Variants in PEX5L observed in about 807,000 individuals in gnomAD.
The protein encoded by PEX5L is PEX5-related protein.
PEX5L carries 30 observed loss-of-function variants against 84.0 expected under a neutral mutation model. That is an observed-to-expected ratio of 0.36 (90% CI 0.27 to 0.48). The LOEUF (loss-of-function observed/expected upper bound fraction) is 0.48, where lower values mean the gene tolerates loss of function less well. PEX5L is among the 20% of genes least tolerant of loss of function. The pLI, the probability that PEX5L is intolerant of heterozygous loss-of-function variation, is 0.99. For synonymous variants in PEX5L, 270 were observed against 283.1 expected (o/e 0.95, Z 0.46); for missense variants, 533 against 754.6 (o/e 0.71, Z 3.44).
At chr3:179,844,373 A>G (rs192045271) in intron 8 of PEX5L, among the ~76,000 whole-genome samples, 132 of 152,340 alleles carry the variant, frequency 8.7e-4, no homozygotes, top group Middle Eastern at 3.4e-3. Context: ...TAAAACTTCA[A>G]TCTAATTTAT....
chr3:179,934,235 A>G (rs1208827898), intron 2 of PEX5L, among the ~76,000 whole-genome samples: 1 of 152,258 alleles, frequency 6.6e-6, no homozygotes, highest in African/African-American at 2.4e-5. Context: ...ATTTACATAT[A>G]GCACATTTCT....
chr3:179,935,509 C>T (rs533410116), intron 2 of PEX5L, among the ~76,000 whole-genome samples: 132 of 152,036 alleles, frequency 8.7e-4, no homozygotes, highest in African/African-American at 2.9e-3. Context: ...GGGTTATTTT[C>T]GCTTTCTTTT....
intron 1 of PEX5L, among the ~76,000 whole-genome samples, chr3:179,986,168 A>ATG (rs912343230): frequency 8.2e-4 from 102 of 124,692 alleles, no homozygotes; most frequent in African/African-American, 3.3e-3. Context: ...AATTTAAAAT[A>ATG]TATATATATA....
chr3:179,999,890 A>G (rs1448860829), intron 1 of PEX5L, among the ~76,000 whole-genome samples: 1 of 152,148 alleles, frequency 6.6e-6, no homozygotes, highest in Non-Finnish European at 1.5e-5. Context: ...AGGCATAATT[A>G]TGAAGGCACA....
intron 8 of PEX5L, among the ~76,000 whole-genome samples, chr3:179,837,784 G>A (rs904708304): frequency 3.9e-5 from 6 of 152,202 alleles, no homozygotes; most frequent in Admixed American, 6.5e-5. Context: ...GGATAAATAC[G>A]TTGGGTATTG....
chr3:179,890,147 A>C (rs957411323), intron 3 of PEX5L, among the ~76,000 whole-genome samples: 1 of 152,188 alleles, frequency 6.6e-6, no homozygotes, highest in Non-Finnish European at 1.5e-5. Flanking sequence ...TAATGTAATG[A>C]ACTCATCTAG....
chr3:179,913,953 T>C (rs1766086761), intron 2 of PEX5L, among the ~76,000 whole-genome samples: 1 of 152,208 alleles, frequency 6.6e-6, no homozygotes, highest in Non-Finnish European at 1.5e-5. Context: ...AAATGAGCCA[T>C]GAAATTATAT....
chr3:179,816,545 C>T (rs895257038), intron 9 of PEX5L, among the ~76,000 whole-genome samples: 1 of 151,788 alleles, frequency 6.6e-6, no homozygotes, highest in Non-Finnish European at 1.5e-5. Context: ...AATGAGAACA[C>T]GTGGACACAG....
intron 7 of PEX5L, among the ~76,000 whole-genome samples, chr3:179,862,906 T>G (rs1223946603): frequency 6.6e-6 from 1 of 151,998 alleles, no homozygotes; most frequent in South Asian, 2.1e-4. Flanking sequence ...AAGAACAACA[T>G]TGGAGGGATA....
intron 8 of PEX5L, among the ~76,000 whole-genome samples, chr3:179,848,050 C>T (rs1229465863): frequency 6.6e-6 from 1 of 151,892 alleles, no homozygotes; most frequent in Non-Finnish European, 1.5e-5. Context: ...CTATTCTAAC[C>T]CCTGGCTTCA....
chr3:179,956,800 TGCA>T (rs1780677670), intron 2 of PEX5L, among the ~76,000 whole-genome samples: 1 of 152,182 alleles, frequency 6.6e-6, no homozygotes, highest in Non-Finnish European at 1.5e-5. Context: ...TGCTTAACGG[TGCA>T]TCCGGGATAT....
chr3:179,948,889 T>C (rs1311717279), intron 2 of PEX5L, among the ~76,000 whole-genome samples: 3 of 152,236 alleles, frequency 2.0e-5, no homozygotes, highest in African/African-American at 7.2e-5. Context: ...TTTAGAGCAT[T>C]TTTGCTGATG....
intron 1 of PEX5L, among the ~76,000 whole-genome samples, chr3:180,002,206 A>G (rs1788488190): frequency 6.6e-6 from 1 of 152,022 alleles, no homozygotes; most frequent in African/African-American, 2.4e-5. Context: ...ATCTTTGTGC[A>G]TATTTCCTTA....
At chr3:179,997,501 T>A (rs977765647) in intron 1 of PEX5L, among the ~76,000 whole-genome samples, 3 of 152,146 alleles carry the variant, frequency 2.0e-5, no homozygotes, top group Admixed American at 2.0e-4. Flanking sequence ...ATGGAAGCCA[T>A]TAGAGCTGCC....
At chr3:179,984,264 C>T (rs183002690) in intron 1 of PEX5L, among the ~76,000 whole-genome samples, 2 of 151,914 alleles carry the variant, frequency 1.3e-5, no homozygotes, top group African/African-American at 2.4e-5. Flanking sequence ...AATGCAGAAG[C>T]AGATATGATA....
intron 8 of PEX5L, among the ~76,000 whole-genome samples, chr3:179,840,164 T>TGC (rs1736553529): frequency 9.2e-6 from 1 of 108,578 alleles, no homozygotes; most frequent in South Asian, 3.3e-4. Context: ...TTGTTTTTTG[T>TGC]GTGTGTGTGT....
chr3:179,908,707 G>C (rs1290563701), intron 2 of PEX5L, among the ~76,000 whole-genome samples: 1 of 149,248 alleles, frequency 6.7e-6, no homozygotes, highest in African/African-American at 2.5e-5. Flanking sequence ...CTATGAGTGA[G>C]AATATGTGGT....
At chr3:179,823,418 C>T (rs1012753064) in intron 8 of PEX5L, among the ~76,000 whole-genome samples, 1 of 152,026 alleles carries the variant, frequency 6.6e-6, no homozygotes, top group African/African-American at 2.4e-5. Flanking sequence ...ATCACAATAA[C>T]AGAAAAACAA....
intron 4 of PEX5L, among the ~76,000 whole-genome samples, chr3:179,887,274 T>G (rs1254549114): frequency 6.6e-6 from 1 of 152,230 alleles, no homozygotes; most frequent in East Asian, 1.9e-4. Flanking sequence ...TTGAAAAGGT[T>G]GCCACATTTT....
Sources: allele counts gnomAD v4.1 joint callset (sites outside exome capture counted in the v4.1 genomes callset), GRCh38; gene constraint gnomAD v4.1.1; transcripts MANE v1.5; gene names NCBI Gene and HGNC (gene_info 2026-07-23, HGNC 2026-07-21).